PHC2: variants seen among roughly 807,000 people sequenced by gnomAD.
PHC2 encodes polyhomeotic homolog 2, also known as polyhomeotic-like protein 2.
A neutral mutation model predicts 87.4 loss-of-function variants in PHC2; 29 were observed. That is an observed-to-expected ratio of 0.33 (90% CI 0.25 to 0.45). The LOEUF (loss-of-function observed/expected upper bound fraction) is 0.45. PHC2 is among the 20% of genes least tolerant of loss of function. The pLI is 1.00. For synonymous variants in PHC2, 438 were observed against 461.7 expected (o/e 0.95, Z 0.66); for missense variants, 857 against 1,136.7 (o/e 0.75, Z 3.54).
At chr1:33,397,589 G>C (rs1334367400) in intron 1 of PHC2, among the ~76,000 whole-genome samples, 1 of 152,124 alleles carries the variant, frequency 6.6e-6, no homozygotes, top group Non-Finnish European at 1.5e-5. Flanking sequence ...TCTGAGACTG[G>C]TCCAGATTCA....
Position 33,355,123 on chromosome 1 carries a change from C to T in PHC2, c.1107G>A (p.Val369=). ...GCTGGGGGTGGGGCTCAGCTTGGAG[C>T]ACAGGCCGTGACTGCTGGGGCGGCG... is the stretch of plus-strand genomic sequence containing the variant. ...QQPPPQQSRP[V]LQAEPHPQLA... is the part of the protein sequence containing the mutation. The change falls in exon 8 of 15, where the codon GTG becomes GTA. Residue 369 remains valine (V), a synonymous_variant. Transcript: ENST00000683057. 1 of 1,611,076 alleles carries T rather than the reference C, an allele frequency of 6.2e-7. No homozygotes were observed. Among genetic ancestry groups the T allele is most frequent in the Non-Finnish European group, 8.5e-7 (1 of 1,178,914 alleles).
intron 7 of PHC2, among the ~76,000 whole-genome samples, chr1:33,362,765 C>A (rs55754029): frequency 0.61 from 92,762 of 151,512 alleles, 29,535 homozygotes; most frequent in African/African-American, 0.82. Flanking sequence ...GAAACTTAAT[C>A]ATGTTTCAAA....
rs1345158760 is a variant in PHC2 at position 33,364,762 on chromosome 1, G to T, written c.976+2354C>A. Among the ~76,000 whole-genome samples the T allele has an allele frequency of 6.6e-6, 1 of 152,220 alleles. No individual in the cohort carries two copies. Among genetic ancestry groups the T allele is most frequent in the African/African-American group, 2.4e-5 (1 of 41,456 alleles). On this transcript the variant is annotated intron_variant, in intron 7 of 14. Coordinates refer to ENST00000683057, the MANE Select transcript of PHC2 (RefSeq NM_001385109.1). The surrounding 1 kb of genome is among the most constrained non-coding windows in gnomAD (Gnocchi z 4.1). Reference sequence around the variant, plus strand: ...AGGAACAATGCAGGCCCACTGCTTTGTGTCTCTGGGGAGAGGTTCTTTGTG... The same window carrying T: ...AGGAACAATGCAGGCCCACTGCTTTTTGTCTCTGGGGAGAGGTTCTTTGTG...
intron 9 of PHC2, among the ~76,000 whole-genome samples, chr1:33,352,534 T>C (rs1446531588): frequency 6.6e-6 from 1 of 152,354 alleles, no homozygotes. Context: ...GTTTTCTTGC[T>C]AGGCTGGAAC....
intron 1 of PHC2, among the ~76,000 whole-genome samples, chr1:33,414,214 CACACAA>C (rs1034447061): frequency 5.3e-5 from 8 of 151,318 alleles, no homozygotes; most frequent in African/African-American, 2.0e-4. Context: ...CACACACACA[CACACAA>C]GAAAGGTTAA....
At chr1:33,357,751 A>G (rs1389684171) in intron 7 of PHC2, among the ~76,000 whole-genome samples, 1 of 152,204 alleles carries the variant, frequency 6.6e-6, no homozygotes, top group Non-Finnish European at 1.5e-5. Context: ...CACCTGGGAG[A>G]CACTGAAGAG....
chr1:33,346,953 T>C lies in PHC2; in HGVS notation c.1558+7448A>G, dbSNP rs576321605. 146 of 985,422 alleles carry C rather than the reference T, an allele frequency of 1.5e-4. No individual in the cohort carries two copies. The African/African-American group carries it at 2.5e-3, about 17-fold the overall frequency. The allele number at this position is 985,422 out of a possible 1,614,324, so 61.0% of individuals were successfully genotyped here. A position where few individuals can be genotyped will look rare whatever the true frequency, so the allele number is the denominator to read the frequency against. Reference sequence around the variant, plus strand: ...AAATGTAGAGAGGGGACAGCCTATGTAAGAGCATACAAGGCCAGAGGTAAG... The same window carrying C: ...AAATGTAGAGAGGGGACAGCCTATGCAAGAGCATACAAGGCCAGAGGTAAG... On this transcript the variant is annotated intron_variant, in intron 9 of 14. Transcript: ENST00000683057.
At position 33,330,091 on chromosome 1, in the gene PHC2, T is replaced by C. The variant is rs1646457957; in HGVS notation, c.2128A>G (p.Thr710Ala). The change falls in exon 13 of 15, where the codon ACC becomes GCC. Residue 710 changes from threonine to alanine, a missense_variant. Thr to Ala is a moderately conservative substitution (Grantham distance 58). Transcript: ENST00000683057. The stretch of plus-strand genomic sequence containing the variant: ...CTTACCTGCTTCTTGGTATCCTTGG[T>C]AAGTGGTGGCAGACTGGCTTTGCTG... ...RASKASLPPL[T>A]KDTKKQPTGT... 1.2e-6 allele frequency: 2 copies of C among 1,614,022 alleles called. No homozygotes were observed. Among genetic ancestry groups the C allele is most frequent in the Non-Finnish European group, 1.7e-6 (2 of 1,179,998 alleles).
chr1:33,333,657 G>A (rs985604917), intron 10 of PHC2: 5 of 175,028 alleles, frequency 2.9e-5, no homozygotes, highest in Non-Finnish European at 6.0e-5. Context: ...TCTGATACAC[G>A]TATCTGGAGA....
chr1:33,412,223 T>C (rs1369101271), intron 1 of PHC2, among the ~76,000 whole-genome samples: 2 of 152,158 alleles, frequency 1.3e-5, no homozygotes, highest in African/African-American at 2.4e-5. Flanking sequence ...CTAAAGTAAA[T>C]TGATCGAGGT....
In PHC2 at chr1:33,367,179, C is replaced by G; in HGVS notation, c.913G>C (p.Glu305Gln). The G allele has an allele frequency of 6.2e-7, 1 of 1,614,224 alleles. No homozygotes were observed. Among genetic ancestry groups the G allele is most frequent in the Non-Finnish European group, 8.5e-7 (1 of 1,180,036 alleles). The change falls in exon 7 of 15, where the codon GAA becomes CAA. Residue 305 changes from glutamate (E) to glutamine (Q), a missense_variant. Physicochemically the swap from Glu to Gln is conservative, Grantham distance 29 (BLOSUM62 2). This residue lies in a region of PHC2 where 832 missense variants were observed against 1,081.8 expected (regional missense o/e 0.77). Transcript: ENST00000683057. ...GTCCGGCTGAGCCCAGCCCGGCCTT[C>G]CATGCTCCCTGGCACACTGCTGTTG... The part of the protein sequence containing the change: ...DGNSSVPGSM[E>Q]GRAGLSRTVP...
intron 7 of PHC2, among the ~76,000 whole-genome samples, chr1:33,363,430 G>A (rs1647256640): frequency 6.6e-6 from 1 of 152,188 alleles, no homozygotes; most frequent in South Asian, 2.1e-4. Flanking sequence ...GCAGTTTGGA[G>A]GCTGCTTTGG....
At chr1:33,381,905 G>A (rs774362679) in intron 1 of PHC2, among the ~76,000 whole-genome samples, 10 of 151,988 alleles carry the variant, frequency 6.6e-5, no homozygotes, top group Non-Finnish European at 1.5e-4. Flanking sequence ...TGCAAGAACG[G>A]AGACCCAGTG....
rs1470926388 is a variant in PHC2, at chr1:33,331,170, AG to A, written c.2006+177del. Among the ~76,000 whole-genome samples the A allele has an allele frequency of 6.6e-6, 1 of 152,166 alleles. No individual in the cohort carries two copies. Among genetic ancestry groups the A allele is most frequent in the Non-Finnish European group, 1.5e-5 (1 of 68,032 alleles). ...CCGCTGCTCTCTCCCACCTGCTCTT[AG>A]GGGTTCTGGCTTCTCGTGCTTGTTG... On this transcript the variant is annotated intron_variant, in intron 12 of 14. Coordinates refer to ENST00000683057, the MANE Select transcript of PHC2 (RefSeq NM_001385109.1). The surrounding 1 kb of genome is among the most constrained non-coding windows in gnomAD (Gnocchi z 5.2).
intron 1 of PHC2, among the ~76,000 whole-genome samples, chr1:33,420,930 C>T (rs935907299): frequency 6.6e-6 from 1 of 152,208 alleles, no homozygotes; most frequent in Non-Finnish European, 1.5e-5. Flanking sequence ...CTCTTTGAGC[C>T]TGTTTCTTCA....
intron 1 of PHC2, among the ~76,000 whole-genome samples, chr1:33,419,888 C>T (rs1570516026): frequency 2.0e-5 from 3 of 151,778 alleles, no homozygotes; most frequent in South Asian, 2.1e-4. Context: ...GGATTACAGG[C>T]GTGAGCCACC....
intron 1 of PHC2, among the ~76,000 whole-genome samples, chr1:33,388,172 A>T (rs544418698): frequency 3.3e-5 from 5 of 152,300 alleles, no homozygotes; most frequent in African/African-American, 1.2e-4. Context: ...GAGAGGCAAT[A>T]TAATTTATAA....
intron 1 of PHC2, among the ~76,000 whole-genome samples, chr1:33,391,146 G>C (rs80044801): frequency 0.021 from 3,203 of 152,266 alleles, 106 homozygotes; most frequent in African/African-American, 0.07. Context: ...ATCACCTGGA[G>C]GGTTTGTTAA....
Position 33,365,757 on chromosome 1 carries a change from C to T in PHC2, c.976+1359G>A, listed in dbSNP as rs1275812833. Among the ~76,000 whole-genome samples, 6 of 152,206 alleles carry T rather than the reference C, an allele frequency of 3.9e-5. 1 individual carries two copies. The East Asian group carries it at 1.2e-3, about 29-fold the overall frequency. On this transcript the variant is annotated intron_variant, in intron 7 of 14. Coordinates refer to ENST00000683057, the MANE Select transcript of PHC2 (RefSeq NM_001385109.1). The stretch of plus-strand genomic sequence containing the variant: ...TGGAATGCAGCGACTGACCCTTTGC[C>T]CCTGGGTGACTTCTGAAGCCTCAAG...
Sources: gnomAD v4.1 joint callset for allele counts (sites outside exome capture counted in the v4.1 genomes callset) on GRCh38, gnomAD v4.1.1 for gene constraint, gnomAD v4.1.1 regional missense constraint, Gnocchi (gnomAD v3.1) non-coding constraint, MANE v1.5 for transcripts, NCBI Gene and HGNC (gene_info 2026-07-23, HGNC 2026-07-21) for gene names.